DAB1: variants seen among roughly 807,000 people sequenced by gnomAD.
DAB1 encodes disabled homolog 1.
DAB1 carries 15 observed loss-of-function variants against 64.6 expected under a neutral mutation model. The observed-to-expected ratio is 0.23, with a 90% CI of 0.16 to 0.36. The LOEUF (loss-of-function observed/expected upper bound fraction) is 0.36, where lower values mean the gene tolerates loss of function less well. Among genes scored for constraint, DAB1 ranks in the 10% least tolerant of loss-of-function variants. The pLI is 1.00. For synonymous variants in DAB1, 235 were observed against 251.9 expected, an observed-to-expected ratio of 0.93 and a Z score of 0.64; for missense variants, 596 against 706.7, an observed-to-expected ratio of 0.84 and a Z score of 1.78.
intron 6 of DAB1, among the ~76,000 whole-genome samples, chr1:57,790,487 A>G (rs1158939870): frequency 2.0e-5 from 3 of 152,194 alleles, no homozygotes; most frequent in Admixed American, 2.0e-4. Context: ...TCTTCATAGT[A>G]GCATGAAAAG....
intron 3 of DAB1, among the ~76,000 whole-genome samples, chr1:58,484,035 A>G (rs942606657): frequency 1.3e-5 from 2 of 152,190 alleles, no homozygotes; most frequent in Non-Finnish European, 2.9e-5. Context: ...GCCATCCCCT[A>G]AGATCTTTGT....
chr1:57,724,411 A>G (rs1647184844), intron 6 of DAB1, among the ~76,000 whole-genome samples: 1 of 151,838 alleles, frequency 6.6e-6, no homozygotes. Context: ...AGAGGGAGAG[A>G]TCCTGCCCTT....
At chr1:57,593,828 C>T (rs2101574081) in intron 7 of DAB1, among the ~76,000 whole-genome samples, 1 of 152,274 alleles carries the variant, frequency 6.6e-6, no homozygotes, top group Non-Finnish European at 1.5e-5. Context: ...TCTTGGCTAA[C>T]CTCGTCTTTA....
chr1:58,109,088 C>G (rs1651829001), intron 5 of DAB1, among the ~76,000 whole-genome samples: 1 of 152,182 alleles, frequency 6.6e-6, no homozygotes, highest in Admixed American at 6.5e-5. Flanking sequence ...CAAGGTGGAA[C>G]CTAAACTTTT....
At chr1:58,475,377 G>C (rs1204709001) in intron 3 of DAB1, among the ~76,000 whole-genome samples, 1 of 152,008 alleles carries the variant, frequency 6.6e-6, no homozygotes, top group East Asian at 1.9e-4. Flanking sequence ...GGCCAGGCTG[G>C]TCTGAAACTC....
In DAB1 at chr1:57,606,168, C is replaced by T. The variant is rs1000883529; in HGVS notation, n.625+43424G>A. 11 of 357,298 alleles carry T rather than the reference C, an allele frequency of 3.1e-5. No homozygotes were observed. In the East Asian group the frequency reaches 3.3e-4, roughly 11 times the overall value. 22.1% of individuals were successfully genotyped at this position (357,298 alleles called of 1,614,324 possible). ...TGCAAATTTGGTGAATTGCCACCTC[C>T]GGCTCCATGAGTGTTTTTCCGGTAT... On this transcript the variant is annotated intron_variant and non_coding_transcript_variant, in intron 7 of 20. Transcript: ENST00000485760.
chr1:58,442,809 C>T (rs1645026824), intron 3 of DAB1, among the ~76,000 whole-genome samples: 2 of 152,024 alleles, frequency 1.3e-5, no homozygotes, highest in Non-Finnish European at 2.9e-5. Context: ...CACTTTAGCC[C>T]AGGAGGTTGA....
intron 9 of DAB1, among the ~76,000 whole-genome samples, chr1:57,055,760 A>G (rs184660885): frequency 1.4e-4 from 22 of 151,872 alleles, no homozygotes; most frequent in African/African-American, 5.1e-4. Context: ...TTTGAGTCCT[A>G]CAAAAATTTA....
At chr1:57,729,663 AG>A (rs1468294904) in intron 6 of DAB1, among the ~76,000 whole-genome samples, 2 of 152,248 alleles carry the variant, frequency 1.3e-5, no homozygotes, top group Admixed American at 1.3e-4. Flanking sequence ...GCAGGGGACA[AG>A]TAGCTGATTT....
rs573717299 is a variant in DAB1 at position 58,477,461 on chromosome 1, G to A, written n.257+28599C>T. 5.3e-5 allele frequency among the ~76,000 whole-genome samples: 8 copies of A among 152,182 alleles called. No homozygotes were observed. In the East Asian group the frequency reaches 7.7e-4, roughly 15 times the overall value. On this transcript the variant is annotated intron_variant and non_coding_transcript_variant, in intron 3 of 20. Transcript: ENST00000485760. The stretch of plus-strand genomic sequence containing the variant: ...CCCGTGGTTGCATCTCTCCTAACAC[G>A]CAGTAGCCATTCTGTTTGGGTGGTG...
At chr1:57,500,680 G>A (rs528010835) in intron 7 of DAB1, among the ~76,000 whole-genome samples, 4 of 152,218 alleles carry the variant, frequency 2.6e-5, no homozygotes, top group East Asian at 3.9e-4. Context: ...CAAGGAGAAT[G>A]TTATTCTTAA....
chr1:58,034,889 C>T (rs369701492), intron 5 of DAB1, among the ~76,000 whole-genome samples: 1 of 152,186 alleles, frequency 6.6e-6, no homozygotes, highest in Non-Finnish European at 1.5e-5. Flanking sequence ...CAGCCATCAA[C>T]GATTCCTTCC....
At chr1:57,829,195 A>G (rs1652482253) in intron 1 of DAB1, among the ~76,000 whole-genome samples, 1 of 152,230 alleles carries the variant, frequency 6.6e-6, no homozygotes, top group South Asian at 2.1e-4. Flanking sequence ...TGCATTATGA[A>G]AAATTTAAAA....
At chr1:58,381,627 CA>C (rs1644390124) in intron 3 of DAB1, among the ~76,000 whole-genome samples, 2 of 152,080 alleles carry the variant, frequency 1.3e-5, no homozygotes, top group Non-Finnish European at 2.9e-5. Context: ...GTTTGAAGAC[CA>C]AACCACAGGA....
chr1:58,406,817 T>C (rs995950192), intron 3 of DAB1, among the ~76,000 whole-genome samples: 5 of 152,096 alleles, frequency 3.3e-5, no homozygotes, highest in African/African-American at 1.2e-4. Flanking sequence ...TACCATGGGT[T>C]TGGGAGTGGG....
intron 6 of DAB1, among the ~76,000 whole-genome samples, chr1:57,798,016 C>T (rs546856740): frequency 5.9e-5 from 9 of 152,212 alleles, no homozygotes; most frequent in Non-Finnish European, 1.2e-4. Context: ...ATCCTCACAA[C>T]ACCATGTGAG....
At chr1:58,037,279 C>G (rs1647059113) in intron 5 of DAB1, among the ~76,000 whole-genome samples, 2 of 152,156 alleles carry the variant, frequency 1.3e-5, no homozygotes, top group African/African-American at 4.8e-5. Flanking sequence ...CAGGCATGAG[C>G]TTAAATGCTC....
intron 4 of DAB1, among the ~76,000 whole-genome samples, chr1:58,260,988 G>A (rs1389927563): frequency 1.3e-5 from 2 of 151,934 alleles, no homozygotes; most frequent in African/African-American, 4.8e-5. Flanking sequence ...AATAAATATT[G>A]CTACATAAAT....
intron 3 of DAB1, among the ~76,000 whole-genome samples, chr1:58,490,280 A>T (rs1477756922): frequency 6.6e-6 from 1 of 152,250 alleles, no homozygotes; most frequent in Non-Finnish European, 1.5e-5. Context: ...ATGGCACAAG[A>T]ACTACGTGAC....
Sources: gnomAD v4.1 joint callset for allele counts (sites outside exome capture counted in the v4.1 genomes callset) on GRCh38, gnomAD v4.1.1 for gene constraint, MANE v1.5 for transcripts, NCBI Gene and HGNC (gene_info 2026-07-23, HGNC 2026-07-21) for gene names.